Variants in CYB5R4 observed in about 807,000 individuals in gnomAD.
CYB5R4 encodes the protein N-terminal cytochrome b5 and cytochrome b5 oxidoreductase domain-containing protein.
CYB5R4 carries 55 observed loss-of-function variants against 70.2 expected under a neutral mutation model. That is an observed-to-expected ratio of 0.78 (90% CI 0.63 to 0.98). The LOEUF (loss-of-function observed/expected upper bound fraction) is 0.98. Among genes scored for constraint, CYB5R4 ranks in the 50% least tolerant of loss-of-function variants. CYB5R4 has a pLI of 0.00. For missense variants in CYB5R4, 562 were observed against 612.6 expected (o/e 0.92, Z 0.87); for synonymous variants, 197 against 199.5 (o/e 0.99, Z 0.11).
chr6:83,938,764 T>C (rs2099469307), intron 12 of CYB5R4, among the ~76,000 whole-genome samples: 1 of 152,218 alleles, frequency 6.6e-6, no homozygotes, highest in Non-Finnish European at 1.5e-5. Context: ...TAAACAACTA[T>C]CTGGCTTTCC....
At chr6:83,916,487 A>G (rs1268263435) in intron 5 of CYB5R4, among the ~76,000 whole-genome samples, 1 of 152,136 alleles carries the variant, frequency 6.6e-6, no homozygotes, top group African/African-American at 2.4e-5. Context: ...TGCTTTTACC[A>G]TATTAGAAAA....
intron 4 of CYB5R4, among the ~76,000 whole-genome samples, chr6:83,913,163 C>T (rs555006014): frequency 4.9e-4 from 74 of 152,238 alleles, no homozygotes; most frequent in African/African-American, 1.7e-3. Context: ...ACAACTGCAA[C>T]AGCAAAGACA....
intron 2 of CYB5R4, among the ~76,000 whole-genome samples, chr6:83,891,136 A>G (rs1479884809): frequency 2.0e-5 from 3 of 152,206 alleles, no homozygotes; most frequent in African/African-American, 7.2e-5. Flanking sequence ...TTGTAGAGAC[A>G]GGATCTCACT....
intron 14 of CYB5R4, among the ~76,000 whole-genome samples, chr6:83,944,507 C>T (rs901932839): frequency 2.6e-5 from 4 of 152,150 alleles, no homozygotes; most frequent in African/African-American, 9.7e-5. Flanking sequence ...ACCATTGAAA[C>T]TATGAAGAAA....
intron 3 of CYB5R4, among the ~76,000 whole-genome samples, chr6:83,893,831 G>A (rs895298351): frequency 6.6e-6 from 1 of 152,190 alleles, no homozygotes; most frequent in Non-Finnish European, 1.5e-5. Context: ...TCAAATCTGC[G>A]ACTAGGGGTC....
chr6:83,926,982 A>G (rs2099467390), intron 10 of CYB5R4, among the ~76,000 whole-genome samples: 1 of 152,112 alleles, frequency 6.6e-6, no homozygotes, highest in South Asian at 2.1e-4. Flanking sequence ...CTTAGCATTC[A>G]TCTGTCTTGG....
chr6:83,877,435 T>C (rs1739648723), intron 2 of CYB5R4, among the ~76,000 whole-genome samples: 1 of 152,114 alleles, frequency 6.6e-6, no homozygotes, highest in African/African-American at 2.4e-5. Context: ...CTCGTGATTC[T>C]TGATGGCTTG....
rs779977809 is a variant in CYB5R4, at chr6:83,934,710, T to C, written c.930T>C (p.His310=). Residue 310 remains histidine (H), a synonymous_variant, in exon 11 of 16, where the codon CAT becomes CAC. Coordinates refer to ENST00000369681, the MANE Select transcript of CYB5R4 (RefSeq NM_016230.4). The part of the protein sequence containing the change: ...STHLQVPIGQ[H]VYLKLPITGT... ...ATCTTCAAGTGCCCATTGGGCAACATGTTTACCTCAAGCTACCTATTACAG... is the reference window on the plus strand; with the variant it reads ...ATCTTCAAGTGCCCATTGGGCAACACGTTTACCTCAAGCTACCTATTACAG... 1.2e-6 allele frequency: 2 copies of C among 1,613,518 alleles called. No homozygotes were observed. Among genetic ancestry groups the C allele is most frequent in the Non-Finnish European group, 1.7e-6 (2 of 1,179,706 alleles).
intron 2 of CYB5R4, among the ~76,000 whole-genome samples, chr6:83,885,798 A>G (rs1311907491): frequency 2.6e-5 from 4 of 152,176 alleles, no homozygotes; most frequent in African/African-American, 7.2e-5. Flanking sequence ...ACCTCTAACT[A>G]TTGCTGGTAA....
chr6:83,893,187 T>G (rs181690759), intron 2 of CYB5R4, among the ~76,000 whole-genome samples: 1 of 152,346 alleles, frequency 6.6e-6, no homozygotes, highest in Admixed American at 6.5e-5. Context: ...TACCTGGCCC[T>G]CTTCACATAG....
In CYB5R4 at chr6:83,962,944, A is replaced by C. The variant is rs1047593625; in HGVS notation, c.*3066A>C. 8 of 152,198 alleles carry C rather than the reference A, an allele frequency of 5.3e-5. No homozygotes were observed. The highest frequency in any genetic ancestry group is 4.6e-4 in the Admixed American group (7 of 15,274). The allele number at this position is 152,198 out of a possible 1,614,324, so 9.4% of individuals were successfully genotyped here. A position where few individuals can be genotyped will look rare whatever the true frequency, so the allele number is the denominator to read the frequency against. The stretch of plus-strand genomic sequence containing the variant: ...TCTTCAGCATTGGTAGATGAATCTT[A>C]TGCTTTCAATCTCTCTGAATTCCCT... On this transcript the variant is annotated 3_prime_UTR_variant, in exon 16 of 16. Coordinates refer to ENST00000369681, the MANE Select transcript of CYB5R4 (RefSeq NM_016230.4).
chr6:83,893,707 T>C, intron 3 of CYB5R4, 85 bp downstream of exon 3: 1 of 756,470 alleles, frequency 1.3e-6, no homozygotes, highest in South Asian at 2.0e-5. Context: ...AGAAAGGAAA[T>C]AGTTGCATAA....
chr6:83,941,838 T>G (rs2099469819), intron 14 of CYB5R4, among the ~76,000 whole-genome samples: 1 of 152,208 alleles, frequency 6.6e-6, no homozygotes, highest in Non-Finnish European at 1.5e-5. Context: ...TTTTAACACA[T>G]TTTCAAAGTG....
rs368068945 is a variant in CYB5R4, at chr6:83,938,302, G to A, written c.1109-1754G>A. Among the ~76,000 whole-genome samples, 9 of 152,262 alleles carry A rather than the reference G, an allele frequency of 5.9e-5. No individual in the cohort carries two copies. In the East Asian group the frequency reaches 1.7e-3, roughly 29 times the overall value. On this transcript the variant is annotated intron_variant, in intron 12 of 15. Transcript: ENST00000369681. ...ACGGAGATTTTTGCGAACATAGCAG[G>A]GTGGAGAGTTGTCCTAGAGCATGGA...
At chr6:83,865,609 CATACTCGA>C (rs1414224257) in intron 2 of CYB5R4, among the ~76,000 whole-genome samples, 4 of 152,138 alleles carry the variant, frequency 2.6e-5, no homozygotes, top group African/African-American at 2.4e-5. Flanking sequence ...GGACCCTAAT[CATACTCGA>C]TTAGGGACCT....
intron 10 of CYB5R4, among the ~76,000 whole-genome samples, chr6:83,925,200 A>C (rs1426615946): frequency 1.3e-5 from 2 of 152,184 alleles, no homozygotes; most frequent in African/African-American, 4.8e-5. Context: ...AAACAGGCAC[A>C]TCTTACATGG....
chr6:83,949,733 A>G (rs2099471230), intron 14 of CYB5R4, among the ~76,000 whole-genome samples: 1 of 152,184 alleles, frequency 6.6e-6, no homozygotes, highest in Non-Finnish European at 1.5e-5. Context: ...TCTAGAGAAT[A>G]TCATTAGCAA....
intron 2 of CYB5R4, among the ~76,000 whole-genome samples, chr6:83,887,111 G>T (rs903152390): frequency 9.2e-5 from 14 of 152,132 alleles, no homozygotes; most frequent in African/African-American, 1.7e-4. Flanking sequence ...AAGAGAGAAA[G>T]AATTCTTTCT....
intron 15 of CYB5R4, among the ~76,000 whole-genome samples, chr6:83,959,554 A>T (rs2099472987): frequency 6.6e-6 from 1 of 152,138 alleles, no homozygotes; most frequent in African/African-American, 2.4e-5. Context: ...TAATGAGTAA[A>T]TTTTAATTGG....
Sources: gnomAD v4.1 joint callset for allele counts (sites outside exome capture counted in the v4.1 genomes callset) on GRCh38, gnomAD v4.1.1 for gene constraint, MANE v1.5 for transcripts, NCBI Gene and HGNC (gene_info 2026-07-23, HGNC 2026-07-21) for gene names.